WWOX: variants seen among roughly 807,000 people sequenced by gnomAD.
WWOX encodes WW domain-containing oxidoreductase.
A neutral mutation model predicts 46.2 loss-of-function variants in WWOX; 69 were observed. The observed-to-expected ratio is 1.49, with a 90% CI of 1.23 to 1.82. The LOEUF (loss-of-function observed/expected upper bound fraction) is 1.82. Ranked by LOEUF, WWOX falls within the 40% of genes most tolerant of loss-of-function variation. The pLI is 0.00. For missense variants in WWOX, 919 were observed against 542.6 expected, an observed-to-expected ratio of 1.69 and a Z score of -6.89; for synonymous variants, 359 against 202.6, an observed-to-expected ratio of 1.77 and a Z score of -6.56.
At chr16:78,285,371 G>A (rs1356511150) in intron 5 of WWOX, among the ~76,000 whole-genome samples, 2 of 152,118 alleles carry the variant, frequency 1.3e-5, no homozygotes, top group African/African-American at 4.8e-5. Context: ...CTTGAGCCCA[G>A]AAGTTCAACA....
At chr16:78,917,525 C>G (rs1368629139) in intron 8 of WWOX, among the ~76,000 whole-genome samples, 1 of 151,936 alleles carries the variant, frequency 6.6e-6, no homozygotes, top group Non-Finnish European at 1.5e-5. Flanking sequence ...ATGAAGTCAA[C>G]AAAATGGTCT....
At chr16:79,032,786 G>T (rs1217131835) in intron 8 of WWOX, among the ~76,000 whole-genome samples, 7 of 151,368 alleles carry the variant, frequency 4.6e-5, no homozygotes, top group Middle Eastern at 3.4e-3. Flanking sequence ...TTTATTTTAA[G>T]TTCAGGGGTC....
chr16:79,075,826 G>A (rs562503253), intron 8 of WWOX, among the ~76,000 whole-genome samples: 21 of 152,182 alleles, frequency 1.4e-4, no homozygotes, highest in African/African-American at 4.8e-4. Context: ...TCGGCAGCCT[G>A]TTTCCTTCCC....
chr16:78,178,255 T>C (rs955937789), intron 5 of WWOX, among the ~76,000 whole-genome samples: 5 of 152,198 alleles, frequency 3.3e-5, no homozygotes, highest in African/African-American at 1.2e-4. Context: ...AGCACTTCTG[T>C]GCTGTCTGCA....
rs78488849 is a variant in WWOX, at chr16:78,136,280, A to G, written c.409+21126A>G. ...CATGATATCCCTATGCTTTTAAAAA[A>G]TTATTGTGATACAGTGAAACAAGGA... On this transcript the variant is annotated intron_variant, in intron 4 of 8. Coordinates refer to ENST00000566780, the MANE Select transcript of WWOX (RefSeq NM_016373.4). Among the ~76,000 whole-genome samples the G allele has an allele frequency of 7.0e-4, 107 of 152,238 alleles. 1 individual carries two copies. Among genetic ancestry groups the G allele is most frequent in the Non-Finnish European group, 1.0e-3 (68 of 68,032 alleles).
intron 6 of WWOX, among the ~76,000 whole-genome samples, chr16:78,397,206 G>A (rs1449120285): frequency 6.6e-6 from 1 of 150,692 alleles, no homozygotes; most frequent in Non-Finnish European, 1.5e-5. Flanking sequence ...ACCATATAGG[G>A]AAGCAGGTCA....
rs73582769 is a variant in WWOX at position 79,170,404 on chromosome 16, C to G, written c.1057-41204C>G. 7.7e-3 allele frequency among the ~76,000 whole-genome samples: 1,168 copies of G among 152,294 alleles called. 16 individuals carry two copies. Among genetic ancestry groups the G allele is most frequent in the African/African-American group, 0.027 (1,108 of 41,542 alleles). On this transcript the variant is annotated intron_variant, in intron 8 of 8. Transcript: ENST00000566780. The stretch of plus-strand genomic sequence containing the variant: ...CCAGAAGCACTTTCCTCTTTTGCCT[C>G]CTAATACATTTTCTTATAGGGAGCA...
chr16:79,096,985 C>T (rs1303325706), intron 8 of WWOX, among the ~76,000 whole-genome samples: 1 of 151,908 alleles, frequency 6.6e-6, no homozygotes, highest in East Asian at 1.9e-4. Context: ...AGGGGGCATG[C>T]TGTCATTCGT....
intron 6 of WWOX, among the ~76,000 whole-genome samples, chr16:78,387,571 A>T (rs971176737): frequency 5.9e-5 from 9 of 152,062 alleles, no homozygotes; most frequent in African/African-American, 2.2e-4. Flanking sequence ...TGTAGGAGAA[A>T]GGGAGAGAAG....
intron 8 of WWOX, among the ~76,000 whole-genome samples, chr16:78,462,206 C>A (rs937218614): frequency 1.3e-5 from 2 of 151,894 alleles, no homozygotes; most frequent in Non-Finnish European, 2.9e-5. Flanking sequence ...AGAATCTCAG[C>A]GATGATCCTA....
chr16:78,354,881 C>A (rs1010594823), intron 5 of WWOX, among the ~76,000 whole-genome samples: 2 of 152,110 alleles, frequency 1.3e-5, no homozygotes, highest in Non-Finnish European at 2.9e-5. Flanking sequence ...TGCCTATAAT[C>A]CCAACACTTT....
At chr16:78,419,625 C>CGAAAAAAAAAAAAAAAAAAAAAAAG (rs1491558183) in intron 6 of WWOX, among the ~76,000 whole-genome samples, 1 of 44,692 alleles carries the variant, frequency 2.2e-5, no homozygotes, top group Non-Finnish European at 4.6e-5. Flanking sequence ...CAAAAAATAG[C>CGAAAAAAAAAAAAAAAAAAAAAAAG]AAAAAAAAAA....
In WWOX at chr16:78,874,630, A is replaced by G. The variant is rs542865403; in HGVS notation, c.1057-336978A>G. Among the ~76,000 whole-genome samples the G allele has an allele frequency of 7.4e-5, 11 of 147,934 alleles. No homozygotes were observed. In the South Asian group the frequency reaches 2.4e-3, roughly 33 times the overall value. ...ACTTAAAGACATGTTGGCAATGGGT[A>G]GTGGACAAAAATTGAAACACCTTCA... On this transcript the variant is annotated intron_variant, in intron 8 of 8. Coordinates refer to ENST00000566780, the MANE Select transcript of WWOX (RefSeq NM_016373.4).
intron 8 of WWOX, among the ~76,000 whole-genome samples, chr16:78,728,961 T>G (rs2048899057): frequency 1.3e-5 from 2 of 152,166 alleles, no homozygotes; most frequent in Non-Finnish European, 2.9e-5. Context: ...GGACTTTATT[T>G]CCTAAGTGAG....
At chr16:78,179,515 GC>G (rs1157392474) in intron 5 of WWOX, among the ~76,000 whole-genome samples, 2 of 152,012 alleles carry the variant, frequency 1.3e-5, no homozygotes, top group Non-Finnish European at 2.9e-5. Context: ...CAGGAATATG[GC>G]CCCCAACGCT....
chr16:78,567,680 C>G (rs963208862), intron 8 of WWOX, among the ~76,000 whole-genome samples: 3 of 151,840 alleles, frequency 2.0e-5, no homozygotes, highest in Non-Finnish European at 4.4e-5. Flanking sequence ...AAAGAAGAAC[C>G]AACTGGCTGT....
At chr16:78,857,307 G>T (rs2151186934) in intron 8 of WWOX, among the ~76,000 whole-genome samples, 1 of 152,282 alleles carries the variant, frequency 6.6e-6, no homozygotes, top group East Asian at 1.9e-4. Context: ...ATTGAACAAT[G>T]AGATACTGTT....
intron 5 of WWOX, among the ~76,000 whole-genome samples, chr16:78,204,342 A>G (rs1440834358): frequency 6.6e-6 from 1 of 152,168 alleles, no homozygotes; most frequent in Non-Finnish European, 1.5e-5. Flanking sequence ...CAGGCATGCA[A>G]TGTGAAATAA....
At chr16:79,049,696 C>T (rs1429759905) in intron 8 of WWOX, among the ~76,000 whole-genome samples, 5 of 151,942 alleles carry the variant, frequency 3.3e-5, no homozygotes, top group South Asian at 2.1e-4. Flanking sequence ...ATTAGCCTGG[C>T]GTGGTGGCCG....
Sources: gnomAD v4.1 joint callset for allele counts (sites outside exome capture counted in the v4.1 genomes callset) on GRCh38, gnomAD v4.1.1 for gene constraint, MANE v1.5 for transcripts, NCBI Gene and HGNC (gene_info 2026-07-23, HGNC 2026-07-21) for gene names.